The following CD2AP variants were observed in gnomAD, a reference collection of about 807,000 sequenced individuals.
CD2AP encodes the protein CD2 associated protein.
Under a neutral mutation model 85.1 loss-of-function variants are expected in CD2AP, and 46 were observed. That is an observed-to-expected ratio of 0.54 (90% CI 0.43 to 0.69). CD2AP has a LOEUF of 0.69. CD2AP is among the 30% of genes least tolerant of loss of function. The probability of loss-of-function intolerance (pLI) is 0.00; values close to 1 mark genes in which losing one functional copy is unlikely to be tolerated. For missense variants in CD2AP, 769 were observed against 729.5 expected, an observed-to-expected ratio of 1.05 and a Z score of -0.62; for synonymous variants, 255 against 252.9, an observed-to-expected ratio of 1.01 and a Z score of -0.08.
chr6:47,567,241 G>A (rs1164525578), intron 5 of CD2AP, among the ~76,000 whole-genome samples: 2 of 152,068 alleles, frequency 1.3e-5, no homozygotes, highest in African/African-American at 4.8e-5. Context: ...TCAGCTCTTT[G>A]AGGGTTGTGA....
At chr6:47,589,461 TATATACACACAC>T (rs913352563) in intron 11 of CD2AP, among the ~76,000 whole-genome samples, 2 of 147,790 alleles carry the variant, frequency 1.4e-5, no homozygotes, top group African/African-American at 5.0e-5. Context: ...TATATATACA[TATATACACACAC>T]ATATACACAT....
intron 17 of CD2AP, among the ~76,000 whole-genome samples, chr6:47,621,891 G>A (rs954531685): frequency 2.0e-5 from 3 of 152,108 alleles, no homozygotes; most frequent in Admixed American, 6.5e-5. Flanking sequence ...AGCAGTGGGC[G>A]GGGCCGTAGA....
At chr6:47,602,007 T>C (rs1201424541) in intron 13 of CD2AP, among the ~76,000 whole-genome samples, 1 of 152,026 alleles carries the variant, frequency 6.6e-6, no homozygotes, top group African/African-American at 2.4e-5. Context: ...ACAAATGTTA[T>C]TTTTCCTTCT....
At chr6:47,617,638 C>T (rs1413370698) in intron 17 of CD2AP, among the ~76,000 whole-genome samples, 3 of 152,020 alleles carry the variant, frequency 2.0e-5, no homozygotes, top group African/African-American at 7.2e-5. Flanking sequence ...TTAGCTTTAC[C>T]TCCTAATCTT....
In CD2AP at chr6:47,513,892, T is replaced by TGG. The variant is rs201405459; in HGVS notation, c.165+10461_165+10462dup. ...TCAGACTTTAAAAAAAATTTTTTTT[T>TGG]GGGGGGGGGGCTAGCCTTACAGATG... On this transcript the variant is annotated intron_variant, in intron 2 of 17. Transcript: ENST00000359314. 3.5e-3 allele frequency among the ~76,000 whole-genome samples: 503 copies of TGG among 141,788 alleles called. 4 individuals carry two copies. Among genetic ancestry groups the TGG allele is most frequent in the African/African-American group, 0.01 (390 of 38,322 alleles). 93.0% of individuals were successfully genotyped at this position (141,788 alleles called of 152,430 possible).
intron 1 of CD2AP, among the ~76,000 whole-genome samples, chr6:47,480,587 A>G (rs1462470840): frequency 6.6e-6 from 1 of 152,206 alleles, no homozygotes; most frequent in Non-Finnish European, 1.5e-5. Flanking sequence ...CAGTTTCTCA[A>G]TCTATAAATG....
At chr6:47,595,814 T>G (rs1381029763) in intron 11 of CD2AP, 47 bp from the exon 12 acceptor site, 1 of 1,547,476 alleles carries the variant, frequency 6.5e-7, no homozygotes, top group East Asian at 2.3e-5. Flanking sequence ...TAGAAAAACC[T>G]AAATAATTTT....
chr6:47,625,241 G>T lies in CD2AP; in HGVS notation c.*1014G>T, dbSNP rs1239082345. 1 of 151,756 alleles carries T rather than the reference G, an allele frequency of 6.6e-6. No homozygotes were observed. Among genetic ancestry groups the T allele is most frequent in the Admixed American group, 6.6e-5 (1 of 15,254 alleles). 9.4% of individuals were successfully genotyped at this position (151,756 alleles called of 1,614,324 possible). On this transcript the variant is annotated 3_prime_UTR_variant, in exon 18 of 18. Transcript: ENST00000359314. Reference sequence around the variant, plus strand: ...AAGCTTTTCAGAACTTCAGTGTGAGGTTTCCTATTTTGACAAGTTAACTTG... The same window carrying T: ...AAGCTTTTCAGAACTTCAGTGTGAGTTTTCCTATTTTGACAAGTTAACTTG...
intron 13 of CD2AP, 123 bp downstream of exon 13, chr6:47,599,566 G>C (rs1461725627): frequency 1.1e-6 from 1 of 900,422 alleles, no homozygotes; most frequent in Non-Finnish European, 1.7e-6. Context: ...TTACACAGTT[G>C]AAATTTGTTT....
intron 17 of CD2AP, among the ~76,000 whole-genome samples, chr6:47,613,226 G>A (rs960857102): frequency 2.6e-5 from 4 of 152,118 alleles, no homozygotes; most frequent in Admixed American, 6.6e-5. Context: ...AATCGTGAAT[G>A]TTCCTCATGG....
At chr6:47,596,095 T>C (rs1252838970) in intron 12 of CD2AP, 69 bp downstream of exon 12, 4 of 1,063,368 alleles carry the variant, frequency 3.8e-6, no homozygotes, top group Non-Finnish European at 5.9e-6. Flanking sequence ...CTCTATTGCC[T>C]TTCTAAATCT....
At chr6:47,613,541 T>C (rs1364376900) in intron 17 of CD2AP, among the ~76,000 whole-genome samples, 2 of 151,940 alleles carry the variant, frequency 1.3e-5, no homozygotes, top group Non-Finnish European at 2.9e-5. Flanking sequence ...AGGTCTCCAC[T>C]GTGGGCTTAA....
In CD2AP at chr6:47,624,148, A is replaced by C. The variant is rs202146749; in HGVS notation, c.1879-38A>C. The stretch of plus-strand genomic sequence containing the variant: ...AGTAAAATAAACTACTAAACTAAGG[A>C]TATTTTATGTTTGCTCAATTTATGT... On this transcript the variant is annotated intron_variant, in intron 17 of 17. Transcript: ENST00000359314. The C allele has an allele frequency of 1.1e-5, 16 of 1,483,276 alleles. No homozygotes were observed. The African/African-American group carries it at 1.8e-4, about 17-fold the overall frequency. 91.9% of individuals were successfully genotyped at this position (1,483,276 alleles called of 1,614,324 possible). A position where few individuals can be genotyped will look rare whatever the true frequency, so the allele number is the denominator to read the frequency against.
chr6:47,594,597 G>T (rs1768890021), intron 11 of CD2AP, among the ~76,000 whole-genome samples: 1 of 151,890 alleles, frequency 6.6e-6, no homozygotes, highest in South Asian at 2.1e-4. Flanking sequence ...TTGGCTGGTT[G>T]TTATAACTAC....
At chr6:47,596,999 G>T (rs1768969756) in intron 12 of CD2AP, among the ~76,000 whole-genome samples, 1 of 151,380 alleles carries the variant, frequency 6.6e-6, no homozygotes, top group Non-Finnish European at 1.5e-5. Flanking sequence ...TAAACATGTT[G>T]AAAGCTGGAT....
chr6:47,596,612 G>C (rs1226335320), intron 12 of CD2AP, among the ~76,000 whole-genome samples: 1 of 152,018 alleles, frequency 6.6e-6, no homozygotes, highest in Non-Finnish European at 1.5e-5. Flanking sequence ...TTTTATGGCT[G>C]AATGGTATTC....
intron 16 of CD2AP, 150 bp from the exon 17 acceptor site, chr6:47,612,323 G>T: frequency 1.6e-6 from 1 of 620,218 alleles, no homozygotes; most frequent in Non-Finnish European, 2.9e-6. Flanking sequence ...TCTAACTAGA[G>T]AATCTTACAT....
intron 5 of CD2AP, among the ~76,000 whole-genome samples, chr6:47,560,286 T>C (rs190542950): frequency 6.6e-6 from 1 of 152,310 alleles, no homozygotes; most frequent in East Asian, 1.9e-4. Context: ...TAGTCTCTTA[T>C]GTAACTACAG....
chr6:47,613,526 G>A (rs544196831), intron 17 of CD2AP, among the ~76,000 whole-genome samples: 2 of 150,692 alleles, frequency 1.3e-5, no homozygotes, highest in South Asian at 4.2e-4. Context: ...TTTTTCCTGA[G>A]CAGTAGGTCT....
Sources: gnomAD v4.1 joint callset for allele counts (sites outside exome capture counted in the v4.1 genomes callset) on GRCh38, gnomAD v4.1.1 for gene constraint, MANE v1.5 for transcripts, NCBI Gene and HGNC (gene_info 2026-07-23, HGNC 2026-07-21) for gene names.